The following ACCS variants were observed in gnomAD, a reference collection of about 807,000 sequenced individuals.
ACCS encodes the protein 1-aminocyclopropane-1-carboxylate synthase homolog (inactive).
ACCS carries 42 observed loss-of-function variants against 59.8 expected under a neutral mutation model. That is an observed-to-expected ratio of 0.70 (90% CI 0.55 to 0.91). The LOEUF (loss-of-function observed/expected upper bound fraction) is 0.91, where lower values mean the gene tolerates loss of function less well. Ranked by LOEUF, ACCS falls within the 40% of genes least tolerant of loss-of-function variation. The pLI is 0.00. For synonymous variants in ACCS, 230 were observed against 240.3 expected (o/e 0.96, Z 0.40); for missense variants, 602 against 630.4 (o/e 0.95, Z 0.48).
At chr11:44,082,408 A>G (rs28490554) in intron 12 of ACCS, among the ~76,000 whole-genome samples, 17,994 of 152,242 alleles carry the variant, frequency 0.12, 1,071 homozygotes, top group Middle Eastern at 0.19. Context: ...GTGTGGATGC[A>G]CAAACCATGG....
chr11:44,077,769 G>A, intron 7 of ACCS, 76 bp from the exon 8 acceptor site: 2 of 1,558,068 alleles, frequency 1.3e-6, no homozygotes, highest in African/African-American at 1.4e-5. Flanking sequence ...GGGAGGAGAG[G>A]CCTGAGAGTT....
chr11:44,067,647 A>G lies in ACCS; in HGVS notation c.20A>G (p.Lys7Arg), dbSNP rs749799703. The G allele has an allele frequency of 1.9e-6, 3 of 1,610,570 alleles. No homozygotes were observed. The highest frequency in any genetic ancestry group is 2.5e-6 in the Non-Finnish European group (3 of 1,178,478). MFTLPQ[K>R]DFRAPTTCLG... is the part of the protein sequence containing the mutation. ...TTGCAGATGTTCACCCTTCCTCAAA[A>G]GGACTTCAGGGCTCCCACCACCTGT... The change falls in exon 2 of 15, where the codon AAG becomes AGG. Residue 7 changes from lysine (K) to arginine (R), a missense_variant. By Grantham distance (26) the Lys-to-Arg change is conservative. Transcript: ENST00000263776.
rs1952851891 is a variant in ACCS, at chr11:44,067,626, A to G, written c.1-2A>G. 1.3e-6 allele frequency: 2 copies of G among 1,598,580 alleles called. No individual in the cohort carries two copies. Among genetic ancestry groups the G allele is most frequent in the East Asian group, 2.2e-5 (1 of 44,784 alleles). ...AGGCCTGTGCGTTTTGTCTTTTTGC[A>G]GATGTTCACCCTTCCTCAAAAGGAC... On this transcript the variant is annotated splice_acceptor_variant, in intron 1 of 14. Transcript: ENST00000263776. LOFTEE classifies it low-confidence loss of function (5UTR_SPLICE).
intron 5 of ACCS, among the ~76,000 whole-genome samples, chr11:44,075,052 G>A (rs1028660740): frequency 3.3e-5 from 5 of 151,788 alleles, no homozygotes; most frequent in African/African-American, 7.3e-5. Flanking sequence ...TCGAACTACC[G>A]ACCTCAGGTG....
intron 6 of ACCS, 60 bp from the exon 7 acceptor site, chr11:44,077,219 C>T (rs1487191589): frequency 3.2e-6 from 5 of 1,558,168 alleles, no homozygotes; most frequent in African/African-American, 1.4e-5. Context: ...GGACAGTGGA[C>T]AGAGGGTCTG....
chr11:44,077,105 G>T (rs752482517), intron 6 of ACCS, among the ~76,000 whole-genome samples, 174 bp from the exon 7 acceptor site: 2 of 152,168 alleles, frequency 1.3e-5, no homozygotes, highest in Non-Finnish European at 2.9e-5. Context: ...CATATCAGGG[G>T]CTGATCTCAG....
At position 44,083,843 on chromosome 11, in the gene ACCS, G is replaced by A. The variant is rs375064814; in HGVS notation, c.*51G>A. The A allele has an allele frequency of 6.2e-5, 96 of 1,554,652 alleles. No homozygotes were observed. Among genetic ancestry groups the A allele is most frequent in the Non-Finnish European group, 8.1e-5 (93 of 1,149,232 alleles). The stretch of plus-strand genomic sequence containing the variant: ...GGCCCAGCAGCCACTGTGGACCTGG[G>A]GCGTTCTGGGGCTGCAGAAGACTGA... On this transcript the variant is annotated 3_prime_UTR_variant, in exon 15 of 15. Coordinates refer to ENST00000263776, the MANE Select transcript of ACCS (RefSeq NM_032592.4).
At chr11:44,078,419 T>C in intron 8 of ACCS, 1 of 428,924 alleles carries the variant, frequency 2.3e-6, no homozygotes, top group Non-Finnish European at 4.1e-6. Flanking sequence ...GTAGGAATTT[T>C]GAAAGTGCAA....
intron 5 of ACCS, among the ~76,000 whole-genome samples, chr11:44,074,976 C>A (rs1355868510): frequency 6.6e-6 from 1 of 151,556 alleles, no homozygotes; most frequent in African/African-American, 2.4e-5. Context: ...AGGCATGCAC[C>A]ACACGCCCGG....
chr11:44,080,455 G>A (rs1028375622), intron 10 of ACCS: 5 of 153,302 alleles, frequency 3.3e-5, no homozygotes, highest in East Asian at 1.9e-4. Context: ...GATTGTCCAC[G>A]ATCCTTGGTT....
intron 10 of ACCS, 165 bp from the exon 11 acceptor site, chr11:44,080,855 T>G: frequency 1.3e-6 from 1 of 786,516 alleles, no homozygotes; most frequent in Non-Finnish European, 2.0e-6. Context: ...TGCTAACCCC[T>G]GCTCTAAAGG....
At chr11:44,074,483 A>C in intron 4 of ACCS, 129 bp from the exon 5 acceptor site, 1 of 753,486 alleles carries the variant, frequency 1.3e-6, no homozygotes, top group African/African-American at 1.7e-5. Context: ...AGACAGATAC[A>C]CCCACACCCC....
chr11:44,083,856 T>G lies in ACCS; in HGVS notation c.*64T>G. 2 of 1,548,984 alleles carry G rather than the reference T, an allele frequency of 1.3e-6. No homozygotes were observed. The highest frequency in any genetic ancestry group is 1.7e-6 in the Non-Finnish European group (2 of 1,145,880). The stretch of plus-strand genomic sequence containing the variant: ...CTGTGGACCTGGGGCGTTCTGGGGC[T>G]GCAGAAGACTGACTGTGGATGTGCC... On this transcript the variant is annotated 3_prime_UTR_variant, in exon 15 of 15. Coordinates refer to ENST00000263776, the MANE Select transcript of ACCS (RefSeq NM_032592.4).
At chr11:44,069,109 T>G (rs1229926734) in intron 2 of ACCS, among the ~76,000 whole-genome samples, 2 of 152,238 alleles carry the variant, frequency 1.3e-5, no homozygotes, top group Non-Finnish European at 2.9e-5. Context: ...GTTAGTTATC[T>G]ATTGTTGCAT....
At position 44,066,629 on chromosome 11, in the gene ACCS, G is replaced by T. The variant is rs1409926614; in HGVS notation, c.-73G>T. 6.6e-6 allele frequency: 1 copy of T among 152,386 alleles called. No individual in the cohort carries two copies. Among genetic ancestry groups the T allele is most frequent in the East Asian group, 1.9e-4 (1 of 5,186 alleles). 9.4% of individuals were successfully genotyped at this position (152,386 alleles called of 1,614,324 possible). ...CGAACCCCGCCGCCCCCCTACCCCA[G>T]GCTTTACTCCCACCCCGGCTTCCGC... On this transcript the variant is annotated 5_prime_UTR_variant, in exon 1 of 15. The change creates a new upstream start codon in the 5' untranslated region. Coordinates refer to ENST00000263776, the MANE Select transcript of ACCS (RefSeq NM_032592.4).
In ACCS at chr11:44,066,601, G is replaced by A. The variant is rs1315012757; in HGVS notation, c.-101G>A. ...CCGCCGTCCTGCTGGACGCCTGGAG[G>A]CTCGAACCCCGCCGCCCCCCTACCC... On this transcript the variant is annotated 5_prime_UTR_variant, in exon 1 of 15. Coordinates refer to ENST00000263776, the MANE Select transcript of ACCS (RefSeq NM_032592.4). The A allele has an allele frequency of 1.3e-5, 2 of 152,294 alleles. No homozygotes were observed. The highest frequency in any genetic ancestry group is 2.9e-5 in the Non-Finnish European group (2 of 68,104). The allele number at this position is 152,294 out of a possible 1,614,324, so 9.4% of individuals were successfully genotyped here. A position where few individuals can be genotyped will look rare whatever the true frequency, so the allele number is the denominator to read the frequency against.
chr11:44,075,445 C>T lies in ACCS; in HGVS notation c.490-81C>T, dbSNP rs112927187. 21 of 1,484,354 alleles carry T rather than the reference C, an allele frequency of 1.4e-5. No homozygotes were observed. In the African/African-American group the frequency reaches 1.7e-4, roughly 12 times the overall value. 91.9% of individuals were successfully genotyped at this position (1,484,354 alleles called of 1,614,324 possible). A position where few individuals can be genotyped will look rare whatever the true frequency, so the allele number is the denominator to read the frequency against. ...ACCAAGGCAGGGCCTGGCGCTCACT[C>T]TGTGCTGTCCTGGGAGGCTGCGGGT... On this transcript the variant is annotated intron_variant, in intron 5 of 14. Coordinates refer to ENST00000263776, the MANE Select transcript of ACCS (RefSeq NM_032592.4).
intron 6 of ACCS, 25 bp from the exon 7 acceptor site, chr11:44,077,254 G>A: frequency 6.2e-7 from 1 of 1,608,018 alleles, no homozygotes; most frequent in Non-Finnish European, 8.5e-7. Context: ...GAAAGTGACA[G>A]GCCCTCGCCC....
rs991979688 is a variant in ACCS, at chr11:44,084,165, A to G, written c.*373A>G. ...CCGTCATTCCTCTTTCTTTGTCACCAAGGAAACGAGTCAAAGGAACAGCAC... is the reference window on the plus strand; with the variant it reads ...CCGTCATTCCTCTTTCTTTGTCACCGAGGAAACGAGTCAAAGGAACAGCAC... On this transcript the variant is annotated 3_prime_UTR_variant, in exon 15 of 15. Coordinates refer to ENST00000263776, the MANE Select transcript of ACCS (RefSeq NM_032592.4). The G allele has an allele frequency of 4.8e-6, 1 of 209,572 alleles. No individual in the cohort carries two copies. The highest frequency in any genetic ancestry group is 9.6e-6 in the Non-Finnish European group (1 of 103,746). The allele number at this position is 209,572 out of a possible 1,614,324, so 13.0% of individuals were successfully genotyped here.
Sources: allele counts gnomAD v4.1 joint callset (sites outside exome capture counted in the v4.1 genomes callset), GRCh38; gene constraint gnomAD v4.1.1; transcripts MANE v1.5; gene names NCBI Gene and HGNC (gene_info 2026-07-23, HGNC 2026-07-21).